WASHC4: variants seen among roughly 807,000 people sequenced by gnomAD.
WASHC4 encodes WASH complex subunit 4.
Under a neutral mutation model 166.6 loss-of-function variants are expected in WASHC4, and 86 were observed. That is an observed-to-expected ratio of 0.52 (90% CI 0.43 to 0.62). WASHC4 has a LOEUF of 0.62. WASHC4 is among the 20% of genes least tolerant of loss of function. The pLI, the probability that WASHC4 is intolerant of heterozygous loss-of-function variation, is 0.00. For missense variants in WASHC4, 1,262 were observed against 1,382.4 expected, an observed-to-expected ratio of 0.91 and a Z score of 1.38; for synonymous variants, 446 against 451.6, an observed-to-expected ratio of 0.99 and a Z score of 0.16.
At chr12:105,160,540 T>C (rs1249839741) in intron 29 of WASHC4, among the ~76,000 whole-genome samples, 3 of 152,110 alleles carry the variant, frequency 2.0e-5, no homozygotes, top group East Asian at 3.9e-4. Flanking sequence ...TTTTAAGATA[T>C]GGGGTCTCAC....
chr12:105,115,051 T>G, intron 4 of WASHC4, 133 bp from the exon 5 acceptor site: 1 of 592,020 alleles, frequency 1.7e-6, no homozygotes, highest in Non-Finnish European at 3.1e-6. Context: ...ATAAACAGAT[T>G]TTGAATTTAA....
chr12:105,144,415 G>C lies in WASHC4; in HGVS notation c.2139G>C (p.Leu713=), dbSNP rs1883122882. The change falls in exon 21 of 33, where the codon CTG becomes CTC. Residue 713 remains leucine (L), a synonymous_variant. Coordinates refer to ENST00000332180, the MANE Select transcript of WASHC4 (RefSeq NM_015275.3). ...AAGACCTGGCTCTTTTTTTCTCTCTGAATCCAATTCGGTTTTTCAATCGTT... is the reference window on the plus strand; with the variant it reads ...AAGACCTGGCTCTTTTTTTCTCTCTCAATCCAATTCGGTTTTTCAATCGTT... ...GMKDLALFFS[L]NPIRFFNRFI... is the part of the protein sequence containing the mutation. 2 of 1,612,850 alleles carry C rather than the reference G, an allele frequency of 1.2e-6. No individual in the cohort carries two copies. The highest frequency in any genetic ancestry group is 1.7e-6 in the Non-Finnish European group (2 of 1,179,456).
rs1228199206 is a variant in WASHC4 at position 105,167,994 on chromosome 12, G to C, written c.*1063G>C. On this transcript the variant is annotated 3_prime_UTR_variant, in exon 33 of 33. Coordinates refer to ENST00000332180, the MANE Select transcript of WASHC4 (RefSeq NM_015275.3). ...GTAAAGGTATGTAAGTTATTAAATG[G>C]TTAATCATGGCCTTTTAAAAATAAA... 6.6e-6 allele frequency: 1 copy of C among 152,234 alleles called. No individual in the cohort carries two copies. The highest frequency in any genetic ancestry group is 2.4e-5 in the African/African-American group (1 of 41,416). The allele number at this position is 152,234 out of a possible 1,614,324, so 9.4% of individuals were successfully genotyped here.
chr12:105,114,488 TTA>T (rs1278585529), intron 4 of WASHC4, 61 bp downstream of exon 4: 1 of 1,054,460 alleles, frequency 9.5e-7, no homozygotes, highest in Admixed American at 2.0e-5. Flanking sequence ...AAGTATGTGT[TTA>T]TATATGTACA....
chr12:105,157,120 G>A lies in WASHC4; in HGVS notation c.2826-116G>A, dbSNP rs1024953613. On this transcript the variant is annotated intron_variant, in intron 27 of 32. Transcript: ENST00000332180. ...ATGAATAATATTACTGAAATGCACA[G>A]TTGTTTCCAAATACATAGTTGAAAA... 7 of 668,666 alleles carry A rather than the reference G, an allele frequency of 1.0e-5. No individual in the cohort carries two copies. The African/African-American group carries it at 1.1e-4, about 10-fold the overall frequency. The allele number at this position is 668,666 out of a possible 1,614,324, so 41.4% of individuals were successfully genotyped here.
intron 12 of WASHC4, among the ~76,000 whole-genome samples, chr12:105,126,733 A>G (rs1881320904): frequency 6.6e-6 from 1 of 152,042 alleles, no homozygotes; most frequent in Non-Finnish European, 1.5e-5. Context: ...TTCAAAATTG[A>G]AAGATTAGTT....
rs747726250 is a variant in WASHC4, at chr12:105,147,162, T to TG, written c.2514+21dup. Reference sequence around the variant, plus strand: ...GAATACAACTGTAAGAACTTTTCTTTGGGGGTTGAGTGGGTAATAGACCCG... The same window carrying TG: ...GAATACAACTGTAAGAACTTTTCTTTGGGGGGTTGAGTGGGTAATAGACCCG... On this transcript the variant is annotated intron_variant, in intron 24 of 32. Coordinates refer to ENST00000332180, the MANE Select transcript of WASHC4 (RefSeq NM_015275.3). The TG allele has an allele frequency of 4.7e-6, 7 of 1,499,580 alleles. No individual in the cohort carries two copies. The highest frequency in any genetic ancestry group is 6.5e-6 in the Non-Finnish European group (7 of 1,075,682). The allele number at this position is 1,499,580 out of a possible 1,614,324, so 92.9% of individuals were successfully genotyped here. A position where few individuals can be genotyped will look rare whatever the true frequency, so the allele number is the denominator to read the frequency against.
intron 26 of WASHC4, chr12:105,155,031 T>C (rs1884036237): frequency 8.0e-6 from 1 of 125,186 alleles, no homozygotes; most frequent in Non-Finnish European, 1.7e-5. Flanking sequence ...AAATGTTAAC[T>C]TGTTTTTACA....
chr12:105,148,471 A>T (rs1883489625), intron 24 of WASHC4: 1 of 984,822 alleles, frequency 1.0e-6, no homozygotes, highest in Non-Finnish European at 1.2e-6. Context: ...TTCATCAGTT[A>T]ATTACACTAA....
intron 30 of WASHC4, 119 bp downstream of exon 30, chr12:105,162,964 TTTTTATTTTTTTGAG>T: frequency 1.6e-6 from 1 of 607,768 alleles, no homozygotes; most frequent in Non-Finnish European, 2.8e-6. Flanking sequence ...TCTTTTTTCT[TTTTTATTTTTTTGAG>T]ACAGAGTCTC....
intron 25 of WASHC4, among the ~76,000 whole-genome samples, chr12:105,149,998 A>G (rs1049470009): frequency 6.6e-6 from 1 of 152,212 alleles, no homozygotes; most frequent in African/African-American, 2.4e-5. Context: ...CATTTAAGCA[A>G]TATAGAATGG....
chr12:105,139,425 G>GTATATATGTATA (rs1882611417), intron 15 of WASHC4, among the ~76,000 whole-genome samples: 1 of 103,190 alleles, frequency 9.7e-6, no homozygotes, highest in African/African-American at 3.6e-5. Flanking sequence ...ATGTGTGTGT[G>GTATATATGTATA]TATATATATA....
intron 15 of WASHC4, among the ~76,000 whole-genome samples, chr12:105,139,398 A>G (rs1335918240): frequency 8.6e-6 from 1 of 115,684 alleles, no homozygotes; most frequent in Non-Finnish European, 1.8e-5. Flanking sequence ...CATTGTCTCT[A>G]TAGACAGACT....
intron 2 of WASHC4, among the ~76,000 whole-genome samples, chr12:105,111,618 C>G (rs1879683437): frequency 6.6e-6 from 1 of 152,066 alleles, no homozygotes; most frequent in South Asian, 2.1e-4. Flanking sequence ...AATGCAGATA[C>G]TCTTAATTTT....
intron 1 of WASHC4, among the ~76,000 whole-genome samples, chr12:105,108,374 C>G (rs991135927): frequency 5.3e-5 from 8 of 152,144 alleles, no homozygotes; most frequent in African/African-American, 1.9e-4. Flanking sequence ...TAGAAGGGAG[C>G]GAAAAAAGAA....
At chr12:105,136,604 C>G (rs1241922154) in intron 14 of WASHC4, among the ~76,000 whole-genome samples, 1 of 152,002 alleles carries the variant, frequency 6.6e-6, no homozygotes, top group Non-Finnish European at 1.5e-5. Flanking sequence ...CTTCAAGTAC[C>G]CCTAAAAAAG....
At chr12:105,135,547 C>T (rs1451915193) in intron 14 of WASHC4, among the ~76,000 whole-genome samples, 1 of 151,600 alleles carries the variant, frequency 6.6e-6, no homozygotes, top group African/African-American at 2.4e-5. Flanking sequence ...CCTACAATGC[C>T]CCTAGGTGTG....
Position 105,142,557 on chromosome 12 carries a change from AT to A in WASHC4, c.1893del (p.Tyr632ThrfsTer13). ...YENAVDAARL[H>X]YMFSALRDCV... ...AATGCTGTTGATGCAGCCAGATTAC[AT>A]GTAAGTAAAGAACAATATAAAGAAT... On this transcript the variant is annotated frameshift_variant and splice_region_variant, in exon 19 of 33. Transcript: ENST00000332180. LOFTEE classifies it high-confidence loss of function. The A allele has an allele frequency of 6.8e-7, 1 of 1,474,082 alleles. No homozygotes were observed. The highest frequency in any genetic ancestry group is 9.5e-7 in the Non-Finnish European group (1 of 1,054,690). The allele number at this position is 1,474,082 out of a possible 1,614,324, so 91.3% of individuals were successfully genotyped here.
At chr12:105,140,433 A>G (rs1302046130) in intron 16 of WASHC4, 32 bp downstream of exon 16, 10 of 1,442,072 alleles carry the variant, frequency 6.9e-6, no homozygotes, top group Admixed American at 3.4e-5. Context: ...TAGCATAAGT[A>G]TGTTATCTTT....
Sources: gnomAD v4.1 joint callset for allele counts (sites outside exome capture counted in the v4.1 genomes callset) on GRCh38, gnomAD v4.1.1 for gene constraint, MANE v1.5 for transcripts, NCBI Gene and HGNC (gene_info 2026-07-23, HGNC 2026-07-21) for gene names.